CWF19L2: variants seen among roughly 807,000 people sequenced by gnomAD.
The protein encoded by CWF19L2 is CWF19 like cell cycle control factor 2, also known as CWF19-like protein 2.
CWF19L2 carries 98 observed loss-of-function variants against 111.7 expected under a neutral mutation model. The ratio of observed to expected loss-of-function variants is 0.88; its 90% CI spans 0.75 to 1.04. The LOEUF is 1.04. Ranked by LOEUF, CWF19L2 falls within the 50% of genes least tolerant of loss-of-function variation. CWF19L2 has a pLI of 0.00. For missense variants in CWF19L2, 1,101 were observed against 1,051.4 expected (o/e 1.05, Z -0.65); for synonymous variants, 351 against 342.9 (o/e 1.02, Z -0.26).
At chr11:107,393,557 T>C (rs563748173) in intron 10 of CWF19L2, among the ~76,000 whole-genome samples, 89 of 152,162 alleles carry the variant, frequency 5.8e-4, no homozygotes, top group Non-Finnish European at 1.2e-3. Flanking sequence ...GAAAAGAAAT[T>C]GTTATATCAA....
chr11:107,360,329 T>C (rs1860306968), intron 12 of CWF19L2, among the ~76,000 whole-genome samples: 1 of 152,244 alleles, frequency 6.6e-6, no homozygotes, highest in Admixed American at 6.5e-5. Context: ...TTCTTTCTTA[T>C]GGGTGAATAG....
chr11:107,345,572 G>C (rs951849595), intron 14 of CWF19L2: 2 of 432,482 alleles, frequency 4.6e-6, no homozygotes, highest in Admixed American at 2.8e-5. Context: ...AGTGTTGCAA[G>C]AATGGTTCTG....
chr11:107,394,948 C>T (rs975270089), intron 10 of CWF19L2, among the ~76,000 whole-genome samples: 2 of 152,162 alleles, frequency 1.3e-5, no homozygotes, highest in African/African-American at 4.8e-5. Context: ...GCCCACAGAC[C>T]ATCCCAAGTC....
intron 11 of CWF19L2, among the ~76,000 whole-genome samples, chr11:107,390,893 G>A (rs557198): frequency 0.015 from 2,349 of 152,246 alleles, 52 homozygotes; most frequent in African/African-American, 0.054. Context: ...CTCAGTGTGG[G>A]TGGGAACCAT....
intron 10 of CWF19L2, among the ~76,000 whole-genome samples, chr11:107,411,087 G>A (rs937005950): frequency 1.5e-4 from 8 of 53,812 alleles, no homozygotes; most frequent in East Asian, 4.3e-4. Context: ...GCGCGCGTGC[G>A]TGCACACACA....
chr11:107,426,994 T>C (rs867734765), intron 8 of CWF19L2, among the ~76,000 whole-genome samples: 12 of 152,024 alleles, frequency 7.9e-5, no homozygotes, highest in Non-Finnish European at 1.6e-4. Context: ...ATTTTATACA[T>C]ATACATTTAT....
chr11:107,396,791 T>G (rs1860928983), intron 10 of CWF19L2, among the ~76,000 whole-genome samples: 1 of 152,138 alleles, frequency 6.6e-6, no homozygotes, highest in African/African-American at 2.4e-5. Context: ...AGACCCTCTC[T>G]GAAGGAAGCA....
intron 13 of CWF19L2, among the ~76,000 whole-genome samples, chr11:107,350,711 A>G (rs751648513): frequency 7.2e-5 from 11 of 152,202 alleles, no homozygotes; most frequent in African/African-American, 2.4e-4. Flanking sequence ...AAAATGCACA[A>G]TATGTCAGAT....
At chr11:107,412,705 T>C (rs1861174847) in intron 10 of CWF19L2, among the ~76,000 whole-genome samples, 1 of 152,214 alleles carries the variant, frequency 6.6e-6, no homozygotes, top group Non-Finnish European at 1.5e-5. Flanking sequence ...ATAGCAGTTT[T>C]ATTCATAACT....
intron 1 of CWF19L2, among the ~76,000 whole-genome samples, chr11:107,456,036 A>C (rs79738605): frequency 0.01 from 1,539 of 152,310 alleles, 23 homozygotes; most frequent in African/African-American, 0.035. Context: ...CCAGGGACTG[A>C]GTCCAGGCCC....
At chr11:107,381,788 T>G (rs892859527) in intron 12 of CWF19L2, among the ~76,000 whole-genome samples, 2 of 152,192 alleles carry the variant, frequency 1.3e-5, no homozygotes, top group Admixed American at 1.3e-4. Context: ...ATGTAATATA[T>G]ATCCTAAAGA....
At chr11:107,350,611 T>C (rs1232756194) in intron 13 of CWF19L2, among the ~76,000 whole-genome samples, 2 of 152,094 alleles carry the variant, frequency 1.3e-5, no homozygotes, top group African/African-American at 4.8e-5. Flanking sequence ...TTTCTGTTGC[T>C]GATAAGCCAT....
chr11:107,370,494 G>C lies in CWF19L2; in HGVS notation c.1873-16758C>G, dbSNP rs1591167908. ...AATTAAAACTAACATATTAGAGAGA[G>C]AAGTTTATGGCACAAGAATGAGTCA... On this transcript the variant is annotated intron_variant, in intron 12 of 17. Transcript: ENST00000282251. 2.3e-5 allele frequency among the ~76,000 whole-genome samples: 3 copies of C among 130,500 alleles called. 1 individual carries two copies. Among genetic ancestry groups the C allele is most frequent in the South Asian group, 5.5e-4 (2 of 3,636 alleles). 85.6% of individuals were successfully genotyped at this position (130,500 alleles called of 152,430 possible). A position where few individuals can be genotyped will look rare whatever the true frequency, so the allele number is the denominator to read the frequency against.
chr11:107,381,475 G>C (rs7122204), intron 12 of CWF19L2, among the ~76,000 whole-genome samples: 1 of 152,080 alleles, frequency 6.6e-6, no homozygotes, highest in Non-Finnish European at 1.5e-5. Context: ...AAAATATCAC[G>C]TTATTATTTT....
chr11:107,453,197 G>A (rs1355048930), intron 3 of CWF19L2, among the ~76,000 whole-genome samples: 2 of 152,124 alleles, frequency 1.3e-5, no homozygotes, highest in African/African-American at 2.4e-5. Context: ...AATATCACAC[G>A]AGACATTACA....
In CWF19L2 at chr11:107,396,387, A is replaced by T. The variant is rs539142992; in HGVS notation, c.1618-3492T>A. Among the ~76,000 whole-genome samples, 124 of 152,328 alleles carry T rather than the reference A, an allele frequency of 8.1e-4. 2 individuals are homozygous for T. In the Middle Eastern group the frequency reaches 0.031, roughly 38 times the overall value. On this transcript the variant is annotated intron_variant, in intron 10 of 17. Transcript: ENST00000282251. ...CTGATAATTTGTTAAAGCATTTTATAAGGACACTTTAATTAACAAATCCCA... is the reference window on the plus strand; with the variant it reads ...CTGATAATTTGTTAAAGCATTTTATTAGGACACTTTAATTAACAAATCCCA...
Position 107,430,555 on chromosome 11 carries a change from C to T in CWF19L2, c.781-1104G>A, listed in dbSNP as rs144320890. Among the ~76,000 whole-genome samples, 10 of 152,012 alleles carry T rather than the reference C, an allele frequency of 6.6e-5. No homozygotes were observed. The East Asian group carries it at 1.7e-3, about 26-fold the overall frequency. On this transcript the variant is annotated intron_variant, in intron 7 of 17. Coordinates refer to ENST00000282251, the MANE Select transcript of CWF19L2 (RefSeq NM_152434.3). ...GATTAAGACACACCATCAATGAATTCGGGCAAAGATCTCTGAAAAAAAGAA... is the reference window on the plus strand; with the variant it reads ...GATTAAGACACACCATCAATGAATTTGGGCAAAGATCTCTGAAAAAAAGAA...
chr11:107,440,069 T>A (rs1861600505), intron 5 of CWF19L2, among the ~76,000 whole-genome samples: 1 of 152,142 alleles, frequency 6.6e-6, no homozygotes, highest in Non-Finnish European at 1.5e-5. Context: ...GACGCGGCCA[T>A]GGTCCTTGCC....
chr11:107,442,787 G>A (rs1861642244), intron 4 of CWF19L2, among the ~76,000 whole-genome samples, 152 bp downstream of exon 4: 3 of 47,172 alleles, frequency 6.4e-5, no homozygotes, highest in African/African-American at 4.5e-4. Context: ...AGGAAGGAAG[G>A]AAGGAAGGGA....
Sources: gnomAD v4.1 joint callset for allele counts (sites outside exome capture counted in the v4.1 genomes callset) on GRCh38, gnomAD v4.1.1 for gene constraint, MANE v1.5 for transcripts, NCBI Gene and HGNC (gene_info 2026-07-23, HGNC 2026-07-21) for gene names.